The following OPN5 variants were observed in gnomAD, a reference collection of about 807,000 sequenced individuals.
OPN5 encodes the protein opsin-5.
A neutral mutation model predicts 41.7 loss-of-function variants in OPN5; 18 were observed. The ratio of observed to expected loss-of-function variants is 0.43; its 90% CI spans 0.30 to 0.64. The LOEUF (loss-of-function observed/expected upper bound fraction) is 0.64, where lower values mean the gene tolerates loss of function less well. Ranked by LOEUF, OPN5 falls within the 30% of genes least tolerant of loss-of-function variation. OPN5 has a pLI of 0.13. For missense variants in OPN5, 318 were observed against 434.5 expected (o/e 0.73, Z 2.38); for synonymous variants, 178 against 164.3 (o/e 1.08, Z -0.64).
intron 3 of OPN5, chr6:47,793,648 T>C (rs1363172229): frequency 6.4e-6 from 1 of 156,072 alleles, no homozygotes; most frequent in Non-Finnish European, 1.4e-5. Context: ...TTCCTTATAT[T>C]AAGACAAAAC....
intron 6 of OPN5, among the ~76,000 whole-genome samples, chr6:47,817,254 C>T (rs1762457903): frequency 6.6e-6 from 1 of 152,132 alleles, no homozygotes; most frequent in East Asian, 1.9e-4. Context: ...TTGAGATATT[C>T]AGCCTTCCAC....
At chr6:47,799,835 T>C (rs1191023899) in intron 4 of OPN5, among the ~76,000 whole-genome samples, 1 of 152,106 alleles carries the variant, frequency 6.6e-6, no homozygotes, top group East Asian at 1.9e-4. Context: ...CTGTACCTAT[T>C]TGGGAGTGGG....
exon 7 of OPN5, chr6:47,824,098 C>A: frequency 1.2e-6 from 1 of 832,914 alleles, no homozygotes; most frequent in South Asian, 1.5e-5. Context: ...CGCCTCCACT[C>A]CACTTACCCT....
At chr6:47,804,512 A>T (rs1000436252) in intron 4 of OPN5, among the ~76,000 whole-genome samples, 1 of 152,220 alleles carries the variant, frequency 6.6e-6, no homozygotes, top group Non-Finnish European at 1.5e-5. Flanking sequence ...GGAGTGTAAC[A>T]TGAAAGTTTT....
intron 4 of OPN5, among the ~76,000 whole-genome samples, chr6:47,801,777 C>T (rs1045596095): frequency 1.4e-4 from 21 of 150,744 alleles, no homozygotes; most frequent in African/African-American, 4.4e-4. Flanking sequence ...TCTTTGTTAC[C>T]ACTACTTGAT....
At chr6:47,805,283 A>G (rs753068180) in intron 4 of OPN5, among the ~76,000 whole-genome samples, 6 of 152,158 alleles carry the variant, frequency 3.9e-5, no homozygotes, top group African/African-American at 9.7e-5. Context: ...TGACAGTTTA[A>G]CTGCTAAGCA....
intron 2 of OPN5, among the ~76,000 whole-genome samples, chr6:47,790,097 C>T (rs1581729397): frequency 6.6e-6 from 1 of 152,006 alleles, no homozygotes; most frequent in East Asian, 1.9e-4. Context: ...AATAGCTATA[C>T]CGTATTTGAA....
At chr6:47,818,085 G>T (rs368400128) in intron 6 of OPN5, among the ~76,000 whole-genome samples, 9 of 152,120 alleles carry the variant, frequency 5.9e-5, no homozygotes, top group African/African-American at 2.2e-4. Context: ...TTAATACCAA[G>T]AGTTACACTT....
chr6:47,808,733 C>T (rs989162809), intron 5 of OPN5, among the ~76,000 whole-genome samples: 3 of 151,818 alleles, frequency 2.0e-5, no homozygotes, highest in Non-Finnish European at 2.9e-5. Context: ...AGTACTGTTT[C>T]ACATGGCTTT....
At chr6:47,801,148 T>C (rs984145486) in intron 4 of OPN5, among the ~76,000 whole-genome samples, 6 of 152,340 alleles carry the variant, frequency 3.9e-5, no homozygotes, top group Admixed American at 2.0e-4. Flanking sequence ...AGCTCTCTTT[T>C]GTAAGACAGT....
intron 4 of OPN5, among the ~76,000 whole-genome samples, chr6:47,802,893 C>A (rs747589052): frequency 3.9e-5 from 6 of 152,020 alleles, no homozygotes; most frequent in Non-Finnish European, 8.8e-5. Flanking sequence ...TATAGAGTAG[C>A]GGTATTTTAA....
intron 5 of OPN5, among the ~76,000 whole-genome samples, chr6:47,811,242 G>A (rs1444804316): frequency 6.6e-6 from 1 of 152,160 alleles, no homozygotes; most frequent in African/African-American, 2.4e-5. Context: ...TCCTGGTACT[G>A]AGTGAAGATA....
intron 4 of OPN5, among the ~76,000 whole-genome samples, chr6:47,800,325 A>G (rs1773720387): frequency 6.6e-6 from 1 of 152,254 alleles, no homozygotes; most frequent in Admixed American, 6.5e-5. Context: ...ATTGCTATGC[A>G]ATGGGTGCTT....
At chr6:47,784,467 T>C (rs1047088181) in intron 1 of OPN5, among the ~76,000 whole-genome samples, 1 of 152,244 alleles carries the variant, frequency 6.6e-6, no homozygotes, top group African/African-American at 2.4e-5. Context: ...TGGCTAATTT[T>C]TGTGTTTTTT....
At position 47,820,669 on chromosome 6, in the gene OPN5, C is replaced by T. The variant is rs114545269; in HGVS notation, c.1057-3314C>T. 2.5e-3 allele frequency among the ~76,000 whole-genome samples: 382 copies of T among 152,086 alleles called. 2 individuals carry two copies. Among genetic ancestry groups the T allele is most frequent in the African/African-American group, 8.9e-3 (369 of 41,500 alleles). On this transcript the variant is annotated intron_variant, in intron 6 of 6. Coordinates refer to ENST00000371211, the Ensembl canonical transcript of OPN5. ...GCATCTGAGGATAAATTCCAATAGA[C>T]GTTATTTATTGAGTGTTTCCTATAT...
chr6:47,824,152 AC>A, exon 7 of OPN5: 1 of 633,546 alleles, frequency 1.6e-6, no homozygotes, highest in Non-Finnish European at 2.9e-6. Context: ...ACAATGATGC[AC>A]CCTAGGAGTA....
intron 4 of OPN5, among the ~76,000 whole-genome samples, chr6:47,806,915 T>C (rs1324964926): frequency 6.6e-6 from 1 of 152,182 alleles, no homozygotes; most frequent in Non-Finnish European, 1.5e-5. Flanking sequence ...CCCAGCACTT[T>C]GGGAAGCCGA....
chr6:47,801,535 G>A (rs1328983), intron 4 of OPN5, among the ~76,000 whole-genome samples: 4 of 152,026 alleles, frequency 2.6e-5, no homozygotes, highest in Non-Finnish European at 5.9e-5. Context: ...TCATGGGAAA[G>A]TTGAACTGTA....
At chr6:47,805,610 A>G (rs1249141506) in intron 4 of OPN5, among the ~76,000 whole-genome samples, 1 of 152,134 alleles carries the variant, frequency 6.6e-6, no homozygotes, top group Non-Finnish European at 1.5e-5. Context: ...CCACAGGTCA[A>G]GTAGACCGAA....
Sources: allele counts gnomAD v4.1 joint callset (sites outside exome capture counted in the v4.1 genomes callset), GRCh38; gene constraint gnomAD v4.1.1; transcripts MANE v1.5; gene names NCBI Gene and HGNC (gene_info 2026-07-23, HGNC 2026-07-21).